Variants in GPATCH2 observed in about 807,000 individuals in gnomAD.
The protein encoded by GPATCH2 is G-patch domain containing 2, also known as G patch domain-containing protein 2.
A neutral mutation model predicts 58.0 loss-of-function variants in GPATCH2; 51 were observed. The ratio of observed to expected loss-of-function variants is 0.88; its 90% CI spans 0.70 to 1.11. The LOEUF (loss-of-function observed/expected upper bound fraction) is 1.11, where lower values mean the gene tolerates loss of function less well. Ranked by LOEUF, GPATCH2 falls within the 50% of genes most tolerant of loss-of-function variation. GPATCH2 has a pLI of 0.00. For synonymous variants in GPATCH2, 222 were observed against 218.5 expected (o/e 1.02, Z -0.14); for missense variants, 625 against 652.2 (o/e 0.96, Z 0.45).
chr1:217,599,689 G>A (rs183484852), intron 5 of GPATCH2, among the ~76,000 whole-genome samples: 85 of 152,216 alleles, frequency 5.6e-4, no homozygotes, highest in Middle Eastern at 6.8e-3. Context: ...TTCATGACAT[G>A]TGCTTACAGC....
intron 8 of GPATCH2, among the ~76,000 whole-genome samples, chr1:217,485,333 A>C (rs1661407248): frequency 6.6e-6 from 1 of 152,210 alleles, no homozygotes; most frequent in Non-Finnish European, 1.5e-5. Flanking sequence ...TCTCTTCCAG[A>C]AACACCCTTA....
At chr1:217,498,979 C>A (rs1177333529) in intron 6 of GPATCH2, among the ~76,000 whole-genome samples, 3 of 152,106 alleles carry the variant, frequency 2.0e-5, no homozygotes, top group Non-Finnish European at 4.4e-5. Flanking sequence ...ATCATCAAAG[C>A]CTTGCCTTCT....
Position 217,614,166 on chromosome 1 carries a change from C to T in GPATCH2, c.810G>A (p.Leu270=). 6.3e-7 allele frequency: 1 copy of T among 1,585,534 alleles called. No homozygotes were observed. Among genetic ancestry groups the T allele is most frequent in the Non-Finnish European group, 8.7e-7 (1 of 1,154,290 alleles). The change falls in exon 3 of 10, where the codon TTG becomes TTA. Residue 270 remains leucine, a synonymous_variant. Coordinates refer to ENST00000366935, the MANE Select transcript of GPATCH2 (RefSeq NM_018040.5). ...CTTGTCTTCCCTCATCATTGGTAAA[C>T]AATCCAGCATCAGTGCTGCTGAGAC... ...SSSLSSTDAG[L]FTNDEGRQGD...
chr1:217,571,716 A>AAC (rs1666555995), intron 5 of GPATCH2, among the ~76,000 whole-genome samples: 1 of 148,320 alleles, frequency 6.7e-6, no homozygotes, highest in Non-Finnish European at 1.5e-5. Flanking sequence ...AAAAAAAAAA[A>AAC]AAAACAAAAA....
intron 5 of GPATCH2, among the ~76,000 whole-genome samples, chr1:217,563,783 G>A (rs750734418): frequency 6.6e-6 from 1 of 152,052 alleles, no homozygotes; most frequent in Non-Finnish European, 1.5e-5. Context: ...AGTGGCTCAC[G>A]CCTATAATCC....
rs1226282804 is a variant in GPATCH2, at chr1:217,430,893, G to A, written c.*252C>T. 5 of 522,804 alleles carry A rather than the reference G, an allele frequency of 9.6e-6. No individual in the cohort carries two copies. The highest frequency in any genetic ancestry group is 1.7e-5 in the Non-Finnish European group (5 of 294,084). The allele number at this position is 522,804 out of a possible 1,614,324, so 32.4% of individuals were successfully genotyped here. On this transcript the variant is annotated 3_prime_UTR_variant, in exon 10 of 10. Transcript: ENST00000366935. ...AGACTAAAATAAATAAGAGAAACGA[G>A]CTGCTCTTTATACCTAGAAATAGCT...
At chr1:217,599,093 G>A (rs776899441) in intron 5 of GPATCH2, among the ~76,000 whole-genome samples, 4 of 152,140 alleles carry the variant, frequency 2.6e-5, no homozygotes, top group Admixed American at 6.5e-5. Flanking sequence ...TAAAATACAC[G>A]GATATGGTTG....
chr1:217,596,290 T>A (rs1280153282), intron 5 of GPATCH2, among the ~76,000 whole-genome samples: 2 of 152,210 alleles, frequency 1.3e-5, no homozygotes, highest in Non-Finnish European at 2.9e-5. Context: ...ATTAGGTCTA[T>A]CCAATTTTTA....
intron 5 of GPATCH2, among the ~76,000 whole-genome samples, chr1:217,556,214 C>T (rs1362426520): frequency 6.6e-6 from 1 of 152,102 alleles, no homozygotes; most frequent in Non-Finnish European, 1.5e-5. Context: ...TAAGTCTGTA[C>T]AAAAACCACA....
chr1:217,441,571 G>A (rs1000087360), intron 9 of GPATCH2, among the ~76,000 whole-genome samples: 16 of 152,024 alleles, frequency 1.1e-4, no homozygotes, highest in Admixed American at 3.3e-4. Flanking sequence ...CAACCTATGG[G>A]AGAAAATTTT....
At chr1:217,568,575 A>G (rs144408582) in intron 5 of GPATCH2, among the ~76,000 whole-genome samples, 2,409 of 152,336 alleles carry the variant, frequency 0.016, 30 homozygotes, top group South Asian at 0.055. Flanking sequence ...GAAGAGAGCC[A>G]TGCTTGCACG....
At chr1:217,488,303 A>C (rs779143026) in intron 8 of GPATCH2, among the ~76,000 whole-genome samples, 33 of 152,110 alleles carry the variant, frequency 2.2e-4, no homozygotes, top group Non-Finnish European at 4.7e-4. Context: ...TCCATTTATA[A>C]ATTTTCTGGG....
At chr1:217,520,622 T>C (rs924282128) in intron 5 of GPATCH2, among the ~76,000 whole-genome samples, 2 of 152,214 alleles carry the variant, frequency 1.3e-5, no homozygotes, top group African/African-American at 4.8e-5. Flanking sequence ...TGATTATTTT[T>C]ACCTGTTAGT....
Position 217,431,381 on chromosome 1 carries a change from A to T in GPATCH2, c.1367-16T>A, listed in dbSNP as rs752708426. The T allele has an allele frequency of 3.1e-6, 4 of 1,282,640 alleles. No individual in the cohort carries two copies. The Admixed American group carries it at 6.7e-5, about 22-fold the overall frequency. The allele number at this position is 1,282,640 out of a possible 1,614,324, so 79.5% of individuals were successfully genotyped here. The stretch of plus-strand genomic sequence containing the variant: ...CCTACAAATCCTGAAATGATAAAAC[A>T]ACAGCACACATTAATCAGTATGAAC... On this transcript the variant is annotated splice_polypyrimidine_tract_variant and intron_variant, in intron 9 of 9. Transcript: ENST00000366935.
chr1:217,510,613 A>G (rs1043845551), intron 6 of GPATCH2, among the ~76,000 whole-genome samples: 1 of 152,114 alleles, frequency 6.6e-6, no homozygotes, highest in Non-Finnish European at 1.5e-5. Flanking sequence ...TGCCAATTCT[A>G]TCACCATCTT....
intron 5 of GPATCH2, among the ~76,000 whole-genome samples, chr1:217,579,362 AAC>A (rs1422447613): frequency 1.3e-4 from 19 of 148,332 alleles, no homozygotes; most frequent in African/African-American, 4.1e-4. Flanking sequence ...GAGATGCCCA[AAC>A]ACAGACAAGA....
At chr1:217,444,832 G>C (rs1455344537) in intron 9 of GPATCH2, among the ~76,000 whole-genome samples, 1 of 152,102 alleles carries the variant, frequency 6.6e-6, no homozygotes, top group Non-Finnish European at 1.5e-5. Context: ...TATAATTATT[G>C]ATAAGATAAA....
At chr1:217,437,744 T>C (rs1321585073) in intron 9 of GPATCH2, among the ~76,000 whole-genome samples, 3 of 152,188 alleles carry the variant, frequency 2.0e-5, no homozygotes, top group African/African-American at 4.8e-5. Context: ...AAGGGGCTTA[T>C]AGATAAAAAA....
Position 217,528,938 on chromosome 1 carries a change from C to A in GPATCH2, c.1099-14049G>T, listed in dbSNP as rs377333689. Among the ~76,000 whole-genome samples, 7 of 152,206 alleles carry A rather than the reference C, an allele frequency of 4.6e-5. No individual in the cohort carries two copies. The East Asian group carries it at 9.7e-4, about 21-fold the overall frequency. The stretch of plus-strand genomic sequence containing the variant: ...TTCAGTAATGAATACCAGAATAATA[C>A]CCCCAAAGGCCAAATGGAACCAGAC... On this transcript the variant is annotated intron_variant, in intron 5 of 9. Transcript: ENST00000366935.
Sources: allele counts gnomAD v4.1 joint callset (sites outside exome capture counted in the v4.1 genomes callset), GRCh38; gene constraint gnomAD v4.1.1; transcripts MANE v1.5; gene names NCBI Gene and HGNC (gene_info 2026-07-23, HGNC 2026-07-21).